The following MYO19 variants were observed in gnomAD, a reference collection of about 807,000 sequenced individuals.
MYO19 encodes the protein unconventional myosin-XIX.
Under a neutral mutation model 129.2 loss-of-function variants are expected in MYO19, and 132 were observed. That is an observed-to-expected ratio of 1.02 (90% CI 0.89 to 1.18). The LOEUF (loss-of-function observed/expected upper bound fraction) is 1.18. Among genes scored for constraint, MYO19 ranks in the 50% most tolerant of loss-of-function variants. The probability of loss-of-function intolerance (pLI) is 0.00; values close to 1 mark genes in which losing one functional copy is unlikely to be tolerated. For synonymous variants in MYO19, 531 were observed against 477.2 expected (o/e 1.11, Z -1.47); for missense variants, 1,210 against 1,216.7 (o/e 0.99, Z 0.08).
At chr17:36,499,016 G>T (rs1014582994) in intron 24 of MYO19, 59 bp downstream of exon 24, 40 of 1,372,272 alleles carry the variant, frequency 2.9e-5, no homozygotes, top group Non-Finnish European at 9.1e-6. Context: ...TCCCACTCGG[G>T]TCCATCTGGT....
At chr17:36,498,203 T>C (rs2071179296) in intron 25 of MYO19, 63 bp downstream of exon 25, 3 of 1,546,624 alleles carry the variant, frequency 1.9e-6, no homozygotes, top group African/African-American at 1.3e-5. Context: ...CGCTGTGAAC[T>C]TGTAGGCTTT....
At chr17:36,542,922 C>T (rs1350008502) in intron 1 of MYO19, among the ~76,000 whole-genome samples, 1 of 151,438 alleles carries the variant, frequency 6.6e-6, no homozygotes, top group Non-Finnish European at 1.5e-5. Flanking sequence ...CTCCATGTTG[C>T]CCAGGCTCGT....
intron 3 of MYO19, among the ~76,000 whole-genome samples, chr17:36,530,739 G>C (rs1221212584): frequency 6.6e-6 from 1 of 151,884 alleles, no homozygotes; most frequent in Non-Finnish European, 1.5e-5. Flanking sequence ...TCATGCCTCA[G>C]CCACCCAAGT....
chr17:36,542,893 T>A (rs528297554), intron 1 of MYO19, among the ~76,000 whole-genome samples: 1 of 151,534 alleles, frequency 6.6e-6, no homozygotes, highest in African/African-American at 2.4e-5. Context: ...TTTTTGTATT[T>A]TTAGTAGAGA....
intron 23 of MYO19, chr17:36,500,605 C>A (rs2071446518): frequency 1.7e-6 from 1 of 605,606 alleles, no homozygotes; most frequent in Admixed American, 3.1e-5. Flanking sequence ...TTAGCCTCCA[C>A]TTCTTACAGA....
chr17:36,524,841 A>C (rs2073363338), intron 6 of MYO19, among the ~76,000 whole-genome samples: 1 of 152,188 alleles, frequency 6.6e-6, no homozygotes, highest in Admixed American at 6.5e-5. Flanking sequence ...TTACAAGTGG[A>C]AGAACTGAGA....
intron 19 of MYO19, 169 bp downstream of exon 19, chr17:36,505,128 C>G (rs1229382687): frequency 1.9e-5 from 15 of 776,396 alleles, no homozygotes; most frequent in Admixed American, 1.9e-4. Flanking sequence ...CACAACCATA[C>G]ATGCCTGCCC....
intron 11 of MYO19, chr17:36,513,216 T>C (rs2072488361): frequency 6.9e-7 from 1 of 1,445,014 alleles, no homozygotes; most frequent in Admixed American, 2.8e-5. Context: ...TCTAGCACTG[T>C]GTATGCATCA....
intron 11 of MYO19, chr17:36,512,653 C>T: frequency 7.8e-7 from 1 of 1,289,000 alleles, no homozygotes. Flanking sequence ...CTGTCAAGTT[C>T]TTACCTGGCA....
At chr17:36,525,113 A>G (rs2073380468) in intron 6 of MYO19, 115 bp downstream of exon 6, 1 of 762,366 alleles carries the variant, frequency 1.3e-6, no homozygotes. Context: ...CAGCCAGCCT[A>G]TGTGGGAATG....
chr17:36,507,824 A>G lies in MYO19; in HGVS notation c.1332T>C (p.Ala444=). ...TCACCTGCTGGGCCCTTAGGTAGTG[A>G]GCCACAAAATGCTGCTGCAGCTTCT... is the stretch of plus-strand genomic sequence containing the variant. ...ANEKLQQHFV[A]HYLRAQQEEY... The change falls in exon 15 of 26, where the codon GCT becomes GCC. Residue 444 remains alanine, a synonymous_variant. Coordinates refer to ENST00000614623, the MANE Select transcript of MYO19 (RefSeq NM_001163735.2). The G allele has an allele frequency of 6.2e-7, 1 of 1,613,078 alleles. No individual in the cohort carries two copies. Among genetic ancestry groups the G allele is most frequent in the Non-Finnish European group, 8.5e-7 (1 of 1,179,308 alleles).
At position 36,498,990 on chromosome 17, in the gene MYO19, G is replaced by A. The variant is rs1599198388; in HGVS notation, c.2463+85C>T. The A allele has an allele frequency of 4.5e-6, 5 of 1,114,830 alleles. No individual in the cohort carries two copies. The Admixed American group carries it at 6.0e-5, about 13-fold the overall frequency. The allele number at this position is 1,114,830 out of a possible 1,614,324, so 69.1% of individuals were successfully genotyped here. ...CCTGCCCAAGGCCACCTGCATTGCAGTGGCAGAGCCAGCATTCCCACTCGG... is the reference window on the plus strand; with the variant it reads ...CCTGCCCAAGGCCACCTGCATTGCAATGGCAGAGCCAGCATTCCCACTCGG... On this transcript the variant is annotated intron_variant, in intron 24 of 25. Coordinates refer to ENST00000614623, the MANE Select transcript of MYO19 (RefSeq NM_001163735.2).
intron 11 of MYO19, 130 bp from the exon 12 acceptor site, chr17:36,511,585 C>A: frequency 1.3e-6 from 1 of 764,432 alleles, no homozygotes; most frequent in Admixed American, 2.2e-5. Context: ...AAGTGCCCAT[C>A]TCTGCCAGAC....
upstream of MYO19, chr17:36,537,310 C>T (rs759018882): frequency 1.9e-6 from 3 of 1,613,814 alleles, no homozygotes; most frequent in Non-Finnish European, 2.5e-6. Flanking sequence ...CCCATGGTAG[C>T]CACTTTGACC....
intron 24 of MYO19, 38 bp from the exon 25 acceptor site, chr17:36,498,597 T>C (rs1041138117): frequency 2.6e-6 from 4 of 1,556,892 alleles, no homozygotes; most frequent in Non-Finnish European, 3.5e-6. Flanking sequence ...TTTAGATTTA[T>C]CTAGCCCTCT....
chr17:36,498,779 GA>G (rs2071235249), intron 24 of MYO19: 1 of 601,624 alleles, frequency 1.7e-6, no homozygotes, highest in Admixed American at 3.0e-5. Context: ...TTGAAAACAA[GA>G]TAAGAGTCCA....
upstream of MYO19, chr17:36,538,002 G>T (rs772278198): frequency 1.2e-5 from 20 of 1,613,828 alleles, no homozygotes; most frequent in East Asian, 4.0e-4. Flanking sequence ...TCTATTAAAT[G>T]CCAACCGCGA....
Position 36,498,454 on chromosome 17 carries a change from G to A in MYO19, c.2569C>T (p.Leu857=). Residue 857 remains leucine (L), a synonymous_variant, in exon 25 of 26, where the codon CTG becomes TTG. Coordinates refer to ENST00000614623, the MANE Select transcript of MYO19 (RefSeq NM_001163735.2). ...GGCCAGAGGCGGATTATTGCCTCCA[G>A]GAGCCTGGTCTGCAGCGGCGAGGTG... ...LSTSPLQTRL[L]EAIIRLWPLG... The A allele has an allele frequency of 1.2e-6, 2 of 1,614,020 alleles. No individual in the cohort carries two copies. Among genetic ancestry groups the A allele is most frequent in the East Asian group, 4.5e-5 (2 of 44,884 alleles).
At chr17:36,499,283 A>G (rs1377249441) in intron 23 of MYO19, 123 bp from the exon 24 acceptor site, 4 of 619,526 alleles carry the variant, frequency 6.5e-6, no homozygotes, top group Admixed American at 2.9e-5. Flanking sequence ...TTTTTTCAAT[A>G]AATTGCTACA....
Sources: gnomAD v4.1 joint callset for allele counts (sites outside exome capture counted in the v4.1 genomes callset) on GRCh38, gnomAD v4.1.1 for gene constraint, MANE v1.5 for transcripts, NCBI Gene and HGNC (gene_info 2026-07-23, HGNC 2026-07-21) for gene names.